DPF3: variants seen among roughly 807,000 people sequenced by gnomAD.
DPF3 encodes zinc finger protein DPF3.
A neutral mutation model predicts 56.8 loss-of-function variants in DPF3; 18 were observed. The observed-to-expected ratio is 0.32, with a 90% confidence interval of 0.22 to 0.47. The LOEUF (loss-of-function observed/expected upper bound fraction) is 0.47. Ranked by LOEUF, DPF3 falls within the 20% of genes least tolerant of loss-of-function variation. DPF3 has a pLI of 1.00. For synonymous variants in DPF3, 188 were observed against 180.2 expected (o/e 1.04, Z -0.35); for missense variants, 403 against 488.8 (o/e 0.82, Z 1.65).
At chr14:72,774,008 G>A (rs1567228654) in intron 1 of DPF3, 3 of 453,748 alleles carry the variant, frequency 6.6e-6, no homozygotes, top group Non-Finnish European at 1.3e-5. Context: ...TTTCAGGCTG[G>A]GCGCAGTGGC....
intron 1 of DPF3, among the ~76,000 whole-genome samples, chr14:72,871,567 C>T (rs1291750966): frequency 6.6e-6 from 1 of 152,262 alleles, no homozygotes; most frequent in African/African-American, 2.4e-5. Context: ...CCAGGTCTCA[C>T]ATCCAGGTCA....
At position 72,621,140 on chromosome 14, in the gene DPF3, CAA is replaced by C. The variant is rs36094507; in HGVS notation, c.985-1158_985-1157del. Among the ~76,000 whole-genome samples the C allele has an allele frequency of 4.5e-3, 553 of 121,968 alleles. 7 individuals carry two copies. The highest frequency in any genetic ancestry group is 0.011 in the African/African-American group (343 of 32,148). The allele number at this position is 121,968 out of a possible 152,430, so 80.0% of individuals were successfully genotyped here. A position where few individuals can be genotyped will look rare whatever the true frequency, so the allele number is the denominator to read the frequency against. On this transcript the variant is annotated intron_variant, in intron 9 of 10. Transcript: ENST00000556509. ...TGGGCAACTGAGTGAGACTCTGTCT[CAA>C]AAAAAAAAAAAAAAAGACATCTACA...
chr14:72,713,553 C>G (rs1888750031), intron 6 of DPF3, among the ~76,000 whole-genome samples: 1 of 152,228 alleles, frequency 6.6e-6, no homozygotes, highest in South Asian at 2.1e-4. Flanking sequence ...AGCCTCTTCC[C>G]TCCTATGGCG....
chr14:72,670,547 AT>A (rs33972679), intron 8 of DPF3: 386,246 of 986,088 alleles, frequency 0.39, 78,767 homozygotes, highest in East Asian at 0.84. Flanking sequence ...GGGGCACAGA[AT>A]AGTGCAACCG....
intron 1 of DPF3, among the ~76,000 whole-genome samples, chr14:72,853,528 G>A (rs538500235): frequency 5.1e-5 from 7 of 137,942 alleles, no homozygotes; most frequent in Non-Finnish European, 1.1e-4. Context: ...AGGCTGCAGT[G>A]CAGTGGCACG....
At chr14:72,768,119 C>T (rs905568459) in intron 2 of DPF3, among the ~76,000 whole-genome samples, 2 of 152,022 alleles carry the variant, frequency 1.3e-5, no homozygotes, top group Non-Finnish European at 2.9e-5. Flanking sequence ...GAAGTTGTTA[C>T]CATCAGATTT....
intron 1 of DPF3, among the ~76,000 whole-genome samples, chr14:72,889,406 C>T (rs1159606687): frequency 6.6e-6 from 1 of 152,172 alleles, no homozygotes; most frequent in Non-Finnish European, 1.5e-5. Flanking sequence ...AGATGGAGAA[C>T]AGGTTCTTGG....
chr14:72,749,741 A>G (rs1256550589), intron 3 of DPF3, among the ~76,000 whole-genome samples: 1 of 152,018 alleles, frequency 6.6e-6, no homozygotes, highest in Non-Finnish European at 1.5e-5. Context: ...TAAAAACAAG[A>G]GTTTCTCTAC....
At chr14:72,888,722 T>C (rs1487775334) in intron 1 of DPF3, among the ~76,000 whole-genome samples, 4 of 152,234 alleles carry the variant, frequency 2.6e-5, no homozygotes, top group African/African-American at 9.6e-5. Flanking sequence ...TGTTGGGTCG[T>C]AGCTGGGCAA....
chr14:72,877,546 T>C lies in DPF3; in HGVS notation c.32+16511A>G, dbSNP rs76842127. On this transcript the variant is annotated intron_variant, in intron 1 of 10. Coordinates refer to ENST00000556509, the MANE Select transcript of DPF3 (RefSeq NM_001280542.3). ...TGGGTCCTCTTCATTCAGCAGATTA[T>C]AAAATAATAAAACAAGCATCCTACT... Among the ~76,000 whole-genome samples the C allele has an allele frequency of 2.0e-5, 3 of 152,180 alleles. No homozygotes were observed. The East Asian group carries it at 5.8e-4, about 29-fold the overall frequency.
chr14:72,892,537 C>T, intron 1 of DPF3: 2 of 1,385,076 alleles, frequency 1.4e-6, no homozygotes, highest in Admixed American at 3.2e-5. Flanking sequence ...GACGAGCTGG[C>T]GCAAACACGT....
intron 1 of DPF3, among the ~76,000 whole-genome samples, chr14:72,858,923 T>A (rs1005549482): frequency 6.6e-6 from 1 of 152,184 alleles, no homozygotes; most frequent in Non-Finnish European, 1.5e-5. Context: ...AAGGCATTTT[T>A]AAAATACTGC....
At chr14:72,893,593 CGGGGCG>C (rs951045421) in intron 1 of DPF3, among the ~76,000 whole-genome samples, 12 of 151,976 alleles carry the variant, frequency 7.9e-5, no homozygotes, top group South Asian at 6.2e-4. Context: ...GACCCAGCGG[CGGGGCG>C]GGGGCCGCGG....
At chr14:72,720,250 T>C (rs1889109766) in intron 5 of DPF3, among the ~76,000 whole-genome samples, 1 of 152,174 alleles carries the variant, frequency 6.6e-6, no homozygotes, top group South Asian at 2.1e-4. Context: ...CCCAGCACTT[T>C]GGGAGACCCG....
chr14:72,635,582 G>A lies in DPF3; in HGVS notation c.872-5846C>T, dbSNP rs141504044. Among the ~76,000 whole-genome samples the A allele has an allele frequency of 3.2e-3, 482 of 152,254 alleles. 5 individuals are homozygous for A. The Middle Eastern group carries it at 0.041, about 13-fold the overall frequency. On this transcript the variant is annotated intron_variant, in intron 8 of 10. Transcript: ENST00000556509. The stretch of plus-strand genomic sequence containing the variant: ...CACAAGGGTATTTCCAGCCTTTTAG[G>A]GGAGAAAATATCTAAATATACCTTG...
chr14:72,822,772 A>G, intron 1 of DPF3, among the ~76,000 whole-genome samples: 1 of 152,074 alleles, frequency 6.6e-6, no homozygotes, highest in South Asian at 2.1e-4. Flanking sequence ...AAGGAAGGAG[A>G]GTATTATGAG....
intron 1 of DPF3, among the ~76,000 whole-genome samples, chr14:72,808,230 T>C (rs1882877598): frequency 6.6e-6 from 1 of 151,976 alleles, no homozygotes; most frequent in East Asian, 1.9e-4. Flanking sequence ...AGAACCGAGG[T>C]GAAATGTAGG....
intron 1 of DPF3, among the ~76,000 whole-genome samples, chr14:72,826,443 C>T (rs759534916): frequency 1.3e-5 from 2 of 152,136 alleles, no homozygotes; most frequent in African/African-American, 2.4e-5. Flanking sequence ...AGCCCCTAGA[C>T]GCAAACCTAT....
chr14:72,815,079 A>G (rs1472518406), intron 1 of DPF3, among the ~76,000 whole-genome samples: 1 of 152,220 alleles, frequency 6.6e-6, no homozygotes, highest in African/African-American at 2.4e-5. Context: ...TTTGCAAAAC[A>G]TATATCTGAT....
Sources: gnomAD v4.1 joint callset for allele counts (sites outside exome capture counted in the v4.1 genomes callset) on GRCh38, gnomAD v4.1.1 for gene constraint, MANE v1.5 for transcripts, NCBI Gene and HGNC (gene_info 2026-07-23, HGNC 2026-07-21) for gene names.